The following NSD1 variants were observed in gnomAD, a reference collection of about 807,000 sequenced individuals.
NSD1 encodes histone-lysine N-methyltransferase, H3 lysine-36 specific.
Under a neutral mutation model 242.7 loss-of-function variants are expected in NSD1, and 26 were observed. That is an observed-to-expected ratio of 0.11 (90% confidence interval 0.08 to 0.15). NSD1 has a LOEUF of 0.15. Among genes scored for constraint, NSD1 ranks in the 10% least tolerant of loss-of-function variants. The pLI is 1.00. For synonymous variants in NSD1, 1,106 were observed against 1,178.1 expected, an observed-to-expected ratio of 0.94 and a Z score of 1.25; for missense variants, 2,495 against 3,272.8, an observed-to-expected ratio of 0.76 and a Z score of 5.80.
intron 2 of NSD1, among the ~76,000 whole-genome samples, chr5:177,149,328 C>T (rs188267439): frequency 1.4e-4 from 21 of 151,760 alleles, no homozygotes; most frequent in Admixed American, 4.0e-4. Flanking sequence ...AAGCAATTCT[C>T]GTGCGTCAGC....
At chr5:177,217,436 A>G (rs1012102923) in intron 5 of NSD1, among the ~76,000 whole-genome samples, 3 of 152,132 alleles carry the variant, frequency 2.0e-5, no homozygotes, top group Non-Finnish European at 4.4e-5. Context: ...CAAAGAGATA[A>G]TTTGGCTCCT....
intron 5 of NSD1, among the ~76,000 whole-genome samples, chr5:177,217,668 T>C (rs79197631): frequency 2.1e-5 from 3 of 145,946 alleles, no homozygotes; most frequent in Non-Finnish European, 1.5e-5. Context: ...GTCACATTCT[T>C]TTTTTTTTTT....
At chr5:177,158,140 A>G (rs1281203631) in intron 2 of NSD1, among the ~76,000 whole-genome samples, 3 of 152,166 alleles carry the variant, frequency 2.0e-5, no homozygotes, top group Non-Finnish European at 2.9e-5. Context: ...GTCGGATCAT[A>G]GGGTCATTCT....
At chr5:177,259,149 A>G (rs1051507113) in intron 13 of NSD1, among the ~76,000 whole-genome samples, 4 of 152,348 alleles carry the variant, frequency 2.6e-5, no homozygotes, top group East Asian at 3.9e-4. Context: ...CCAATACTGT[A>G]TCTCTGCTGG....
chr5:177,261,259 T>C (rs1311194851), intron 14 of NSD1, among the ~76,000 whole-genome samples: 1 of 145,216 alleles, frequency 6.9e-6, no homozygotes, highest in African/African-American at 2.6e-5. Flanking sequence ...TTTTTTTTTT[T>C]TGTAGAGATG....
chr5:177,191,194 T>C (rs1484652462), intron 2 of NSD1, among the ~76,000 whole-genome samples: 3 of 151,440 alleles, frequency 2.0e-5, no homozygotes, highest in African/African-American at 7.3e-5. Flanking sequence ...GGTCACGAAC[T>C]CCTGACCTCA....
At chr5:177,254,041 G>A (rs1756222425) in intron 12 of NSD1, among the ~76,000 whole-genome samples, 2 of 152,058 alleles carry the variant, frequency 1.3e-5, no homozygotes, top group African/African-American at 4.8e-5. Context: ...TCCGCCTCCT[G>A]GGTTCAAGCA....
intron 21 of NSD1, among the ~76,000 whole-genome samples, chr5:177,290,236 T>C (rs1759709800): frequency 6.7e-6 from 1 of 148,848 alleles, no homozygotes; most frequent in Admixed American, 6.8e-5. Flanking sequence ...ATTCAAGATT[T>C]CTGTATCATA....
Position 177,294,295 on chromosome 5 carries a change from G to A in NSD1, c.6927G>A (p.Leu2309=), listed in dbSNP as rs1760094842. Residue 2309 remains leucine (L), a synonymous_variant, in exon 23 of 23, where the codon TTG becomes TTA. Coordinates refer to ENST00000439151, the MANE Select transcript of NSD1 (RefSeq NM_022455.5). ...LAGSGTKSQS[L]VSSQRPLDRP... The stretch of plus-strand genomic sequence containing the variant: ...GGTCAGGGACCAAATCCCAATCCTT[G>A]GTTTCCAGCCAGAGGCCACTGGACA... 1.7e-5 allele frequency: 27 copies of A among 1,613,510 alleles called. No individual in the cohort carries two copies. The highest frequency in any genetic ancestry group is 2.3e-5 in the Non-Finnish European group (27 of 1,179,532).
intron 6 of NSD1, 79 bp downstream of exon 6, chr5:177,236,024 C>A (rs1765412101): frequency 1.4e-6 from 2 of 1,470,998 alleles, no homozygotes; most frequent in Admixed American, 1.7e-5. Flanking sequence ...ACTTTATCTT[C>A]ATGAAACAAT....
chr5:177,167,941 C>G lies in NSD1; in HGVS notation c.928-23943C>G, dbSNP rs543185409. The stretch of plus-strand genomic sequence containing the variant: ...ATTTTTACTTTTTGGCGGAGGTGTC[C>G]GGTATTGAATGAACCTAGGGCCTCA... On this transcript the variant is annotated intron_variant, in intron 2 of 22. Transcript: ENST00000439151. Among the ~76,000 whole-genome samples, 3 of 152,122 alleles carry G rather than the reference C, an allele frequency of 2.0e-5. No individual in the cohort carries two copies. In the South Asian group the frequency reaches 6.2e-4, roughly 32 times the overall value.
rs1759394804 is a variant in NSD1, at chr5:177,168,463, T to TTTTTC, written c.928-23416_928-23412dup. 1.4e-4 allele frequency among the ~76,000 whole-genome samples: 21 copies of TTTTTC among 150,954 alleles called. 1 individual carries two copies. In the South Asian group the frequency reaches 4.4e-3, roughly 32 times the overall value. ...GATTGTTCATTGCTTTTTTTTTTTT[T>TTTTTC]TTTTCTTTTTTCCGGAGACAGAGTC... On this transcript the variant is annotated intron_variant, in intron 2 of 22. Transcript: ENST00000439151.
At chr5:177,151,837 G>A (rs1168436602) in intron 2 of NSD1, among the ~76,000 whole-genome samples, 1 of 151,780 alleles carries the variant, frequency 6.6e-6, no homozygotes, top group African/African-American at 2.4e-5. Context: ...GGGACTACAG[G>A]TGTGTGCCTT....
intron 2 of NSD1, among the ~76,000 whole-genome samples, chr5:177,188,409 C>T (rs142770734): frequency 1.3e-3 from 193 of 151,986 alleles, no homozygotes; most frequent in African/African-American, 4.3e-3. Context: ...TTTATTTTTC[C>T]AGTGGGTTTG....
At chr5:177,168,680 C>G (rs1373974384) in intron 2 of NSD1, among the ~76,000 whole-genome samples, 2 of 152,020 alleles carry the variant, frequency 1.3e-5, no homozygotes, top group East Asian at 1.9e-4. Context: ...AGGCTGGTCT[C>G]GAACTCCTGA....
chr5:177,191,616 A>C (rs1383164456), intron 2 of NSD1, among the ~76,000 whole-genome samples: 1 of 152,142 alleles, frequency 6.6e-6, no homozygotes, highest in African/African-American at 2.4e-5. Context: ...AGTTCTTTAA[A>C]AATAAAGCCA....
At chr5:177,252,869 G>A (rs1276507982) in intron 12 of NSD1, among the ~76,000 whole-genome samples, 1 of 150,632 alleles carries the variant, frequency 6.6e-6, no homozygotes, top group Admixed American at 6.6e-5. Context: ...TCAGGGCTGA[G>A]GTATAGATCT....
intron 2 of NSD1, among the ~76,000 whole-genome samples, chr5:177,179,103 AC>A (rs1181843043): frequency 1.3e-5 from 2 of 152,364 alleles, no homozygotes; most frequent in African/African-American, 4.8e-5. Flanking sequence ...TATGTGAACT[AC>A]AAAGTGTAAA....
chr5:177,190,982 T>C (rs1000999735), intron 2 of NSD1, among the ~76,000 whole-genome samples: 2 of 118,102 alleles, frequency 1.7e-5, no homozygotes, highest in African/African-American at 9.3e-5. Context: ...TTTTTTTTTC[T>C]TTTTTTTTTT....
Sources: allele counts gnomAD v4.1 joint callset (sites outside exome capture counted in the v4.1 genomes callset), GRCh38; gene constraint gnomAD v4.1.1; transcripts MANE v1.5; gene names NCBI Gene and HGNC (gene_info 2026-07-23, HGNC 2026-07-21).